HECW1: variants seen among roughly 807,000 people sequenced by gnomAD.
The protein encoded by HECW1 is E3 ubiquitin-protein ligase HECW1.
In HECW1, 61 loss-of-function variants were observed where a neutral mutation model predicts 182.3. That is an observed-to-expected ratio of 0.33 (90% CI 0.27 to 0.41). HECW1 has a LOEUF of 0.41. Ranked by LOEUF, HECW1 falls within the 10% of genes least tolerant of loss-of-function variation. The pLI is 1.00. For missense variants in HECW1, 1,739 were observed against 2,108.9 expected, an observed-to-expected ratio of 0.82 and a Z score of 3.44; for synonymous variants, 859 against 832.6, an observed-to-expected ratio of 1.03 and a Z score of -0.55.
At chr7:43,439,102 A>C (rs2076798427) in intron 9 of HECW1, 1 of 152,254 alleles carries the variant, frequency 6.6e-6, no homozygotes, top group Non-Finnish European at 1.5e-5. Context: ...TGTCACATGC[A>C]GTGTTTGCAC....
At chr7:43,519,692 C>G (rs2080357588) in intron 24 of HECW1, among the ~76,000 whole-genome samples, 3 of 152,200 alleles carry the variant, frequency 2.0e-5, no homozygotes, top group Admixed American at 1.3e-4. Context: ...CAGATCCACA[C>G]TGCACAGTCA....
intron 2 of HECW1, among the ~76,000 whole-genome samples, chr7:43,138,920 T>C (rs1272497107): frequency 6.6e-6 from 1 of 152,232 alleles, no homozygotes; most frequent in African/African-American, 2.4e-5. Flanking sequence ...GGCAGGCTGC[T>C]GTGCATGGTA....
intron 2 of HECW1, among the ~76,000 whole-genome samples, chr7:43,131,176 G>C (rs1288016246): frequency 6.6e-6 from 1 of 152,214 alleles, no homozygotes; most frequent in Non-Finnish European, 1.5e-5. Context: ...TGAGGCAGGA[G>C]AATTGCTTGA....
At chr7:43,399,650 AC>A (rs1157603037) in intron 7 of HECW1, among the ~76,000 whole-genome samples, 1 of 152,140 alleles carries the variant, frequency 6.6e-6, no homozygotes, top group Non-Finnish European at 1.5e-5. Context: ...TCACAGACCT[AC>A]CAGAGGAGGA....
intron 2 of HECW1, among the ~76,000 whole-genome samples, chr7:43,143,595 C>G (rs1424127895): frequency 6.6e-6 from 1 of 152,108 alleles, no homozygotes; most frequent in Admixed American, 6.6e-5. Flanking sequence ...TGGATGCCTC[C>G]TTTAGATGCC....
At chr7:43,485,487 T>G (rs572412234) in intron 17 of HECW1, among the ~76,000 whole-genome samples, 2 of 152,312 alleles carry the variant, frequency 1.3e-5, no homozygotes, top group South Asian at 4.1e-4. Flanking sequence ...TAGGCAATCT[T>G]GTCACTGTGG....
intron 3 of HECW1, among the ~76,000 whole-genome samples, chr7:43,289,092 A>T (rs570499915): frequency 6.8e-6 from 1 of 147,142 alleles, no homozygotes; most frequent in Non-Finnish European, 1.5e-5. Flanking sequence ...GCCATCTCCA[A>T]CACTTTCTCT....
At chr7:43,377,209 C>A (rs967617328) in intron 6 of HECW1, among the ~76,000 whole-genome samples, 1 of 152,162 alleles carries the variant, frequency 6.6e-6, no homozygotes, top group Non-Finnish European at 1.5e-5. Flanking sequence ...TACCAACTAC[C>A]TTTTCAAGCC....
At chr7:43,267,864 G>C (rs543109761) in intron 3 of HECW1, among the ~76,000 whole-genome samples, 8 of 152,094 alleles carry the variant, frequency 5.3e-5, no homozygotes, top group Admixed American at 2.6e-4. Flanking sequence ...TTAAGAAGTA[G>C]AAAATTTCAA....
chr7:43,117,433 C>G (rs772828642), intron 2 of HECW1, among the ~76,000 whole-genome samples: 2 of 151,820 alleles, frequency 1.3e-5, no homozygotes, highest in Non-Finnish European at 2.9e-5. Context: ...CCCCCACCCG[C>G]CCCACCAAAG....
chr7:43,302,738 G>A (rs1807000285), intron 3 of HECW1, among the ~76,000 whole-genome samples: 2 of 152,206 alleles, frequency 1.3e-5, no homozygotes, highest in Admixed American at 1.3e-4. Flanking sequence ...TCTGGGAGGT[G>A]AACACATATC....
chr7:43,281,374 G>A (rs1209739138), intron 3 of HECW1, among the ~76,000 whole-genome samples: 1 of 152,228 alleles, frequency 6.6e-6, no homozygotes, highest in Non-Finnish European at 1.5e-5. Context: ...GTGGACACCT[G>A]CTGTGTGCCA....
intron 4 of HECW1, among the ~76,000 whole-genome samples, chr7:43,317,661 A>G (rs1199479688): frequency 6.6e-6 from 1 of 152,198 alleles, no homozygotes; most frequent in African/African-American, 2.4e-5. Context: ...AGGCAAGAAT[A>G]CTGACTACTC....
chr7:43,264,717 A>T (rs112407930), intron 3 of HECW1, among the ~76,000 whole-genome samples: 1 of 151,714 alleles, frequency 6.6e-6, no homozygotes, highest in African/African-American at 2.4e-5. Context: ...GGTGGCGGGC[A>T]CCTGTAGTCT....
At chr7:43,376,770 G>C (rs1351324999) in intron 6 of HECW1, among the ~76,000 whole-genome samples, 2 of 151,990 alleles carry the variant, frequency 1.3e-5, no homozygotes, top group Non-Finnish European at 2.9e-5. Context: ...GGAGGCTGAG[G>C]CAGGACAATT....
At position 43,142,743 on chromosome 7, in the gene HECW1, A is replaced by G. The variant is rs114441483; in HGVS notation, c.-32+28352A>G. 1.2e-3 allele frequency among the ~76,000 whole-genome samples: 179 copies of G among 152,286 alleles called. 1 individual carries two copies. The highest frequency in any genetic ancestry group is 4.2e-3 in the African/African-American group (173 of 41,562). ...AGCATGTATACACATTGGTTCTTTT[A>G]GCACTCCAGTTTCAGCATCCACTTG... On this transcript the variant is annotated intron_variant, in intron 2 of 29. Coordinates refer to ENST00000395891, the MANE Select transcript of HECW1 (RefSeq NM_015052.5).
chr7:43,216,327 G>A (rs1441285329), intron 2 of HECW1, among the ~76,000 whole-genome samples: 2 of 151,984 alleles, frequency 1.3e-5, no homozygotes, highest in Admixed American at 6.6e-5. Context: ...TGTATTTTTA[G>A]GAGAGACGAG....
rs529566441 is a variant in HECW1 at position 43,439,547 on chromosome 7, A to G, written c.944+1402A>G. On this transcript the variant is annotated intron_variant, in intron 9 of 29. Coordinates refer to ENST00000395891, the MANE Select transcript of HECW1 (RefSeq NM_015052.5). ...AGGGGGTGGGCTGGAGAACAAAAAC[A>G]GGGGCTGTGTGGGATTCTTTCTACC... The G allele has an allele frequency of 1.3e-3, 198 of 152,758 alleles. 6 individuals are homozygous for G. In the South Asian group the frequency reaches 0.039, roughly 30 times the overall value. 9.5% of individuals were successfully genotyped at this position (152,758 alleles called of 1,614,324 possible). A position where few individuals can be genotyped will look rare whatever the true frequency, so the allele number is the denominator to read the frequency against.
intron 19 of HECW1, among the ~76,000 whole-genome samples, chr7:43,493,592 G>A (rs1773662016): frequency 6.6e-6 from 1 of 152,162 alleles, no homozygotes; most frequent in African/African-American, 2.4e-5. Context: ...AGTTTCTTGT[G>A]TGTTCTAACT....
Sources: allele counts gnomAD v4.1 joint callset (sites outside exome capture counted in the v4.1 genomes callset), GRCh38; gene constraint gnomAD v4.1.1; transcripts MANE v1.5; gene names NCBI Gene and HGNC (gene_info 2026-07-23, HGNC 2026-07-21).